DGKB: variants seen among roughly 807,000 people sequenced by gnomAD.
The protein encoded by DGKB is 90 kDa diacylglycerol kinase.
In DGKB, 67 loss-of-function variants were observed where a neutral mutation model predicts 114.3. That is an observed-to-expected ratio of 0.59 (90% confidence interval 0.48 to 0.72). DGKB has a LOEUF of 0.72. DGKB is among the 30% of genes least tolerant of loss of function. The probability of loss-of-function intolerance (pLI) is 0.00; values close to 1 mark genes in which losing one functional copy is unlikely to be tolerated. For missense variants in DGKB, 907 were observed against 975.2 expected, an observed-to-expected ratio of 0.93 and a Z score of 0.93; for synonymous variants, 398 against 323.1, an observed-to-expected ratio of 1.23 and a Z score of -2.49.
intron 20 of DGKB, among the ~76,000 whole-genome samples, chr7:14,545,616 G>T (rs1230709660): frequency 6.6e-6 from 1 of 152,218 alleles, no homozygotes; most frequent in Admixed American, 6.5e-5. Flanking sequence ...GGCTTAATCA[G>T]CTTCCGCCAC....
chr7:14,556,306 AAGTT>A (rs1795862227), intron 20 of DGKB, among the ~76,000 whole-genome samples: 1 of 152,110 alleles, frequency 6.6e-6, no homozygotes, highest in Non-Finnish European at 1.5e-5. Context: ...TTAAAAAGGA[AAGTT>A]AGAGGTTTAA....
intron 23 of DGKB, among the ~76,000 whole-genome samples, chr7:14,328,037 A>G (rs1809058468): frequency 6.6e-6 from 1 of 152,126 alleles, no homozygotes; most frequent in Non-Finnish European, 1.5e-5. Context: ...AAGACGTTTT[A>G]TCACAAATTC....
At chr7:14,641,954 G>A (rs939740334) in intron 13 of DGKB, among the ~76,000 whole-genome samples, 1 of 151,974 alleles carries the variant, frequency 6.6e-6, no homozygotes, top group Non-Finnish European at 1.5e-5. Context: ...TTTTCATTCA[G>A]TTTAATTTTC....
chr7:14,261,996 T>TTA (rs1223114834), intron 23 of DGKB, among the ~76,000 whole-genome samples: 1 of 152,232 alleles, frequency 6.6e-6, no homozygotes, highest in East Asian at 1.9e-4. Flanking sequence ...CTATACGCAC[T>TTA]GCAGAAGACT....
intron 20 of DGKB, among the ~76,000 whole-genome samples, chr7:14,552,289 G>A (rs1795212367): frequency 6.6e-6 from 1 of 152,078 alleles, no homozygotes; most frequent in African/African-American, 2.4e-5. Flanking sequence ...CGCATTTGTG[G>A]AATAAACTAA....
chr7:14,522,704 C>T (rs1789983116), intron 20 of DGKB, among the ~76,000 whole-genome samples: 1 of 152,088 alleles, frequency 6.6e-6, no homozygotes, highest in South Asian at 2.1e-4. Flanking sequence ...TGGTTTTATG[C>T]CTTTGGTTGA....
At chr7:14,833,230 T>C (rs1846664636) in intron 2 of DGKB, among the ~76,000 whole-genome samples, 1 of 152,144 alleles carries the variant, frequency 6.6e-6, no homozygotes, top group African/African-American at 2.4e-5. Context: ...AATAGGTTTT[T>C]AGTCTCCTTT....
At chr7:14,484,451 C>G (rs942041948) in intron 20 of DGKB, among the ~76,000 whole-genome samples, 3 of 152,076 alleles carry the variant, frequency 2.0e-5, no homozygotes, top group Admixed American at 6.6e-5. Context: ...CTTGGTGTTG[C>G]CACAATGGGT....
chr7:14,768,668 T>C (rs1261679800), intron 2 of DGKB, among the ~76,000 whole-genome samples: 2 of 152,050 alleles, frequency 1.3e-5, no homozygotes, highest in Non-Finnish European at 2.9e-5. Flanking sequence ...TAAAAGTTTA[T>C]GTTGACTGTA....
intron 21 of DGKB, among the ~76,000 whole-genome samples, chr7:14,365,619 C>G (rs570459692): frequency 9.5e-4 from 145 of 152,040 alleles, no homozygotes; most frequent in African/African-American, 3.4e-3. Context: ...AAGCAAAGAC[C>G]TGGTAAAGAA....
chr7:14,334,571 C>T (rs1459720272), intron 23 of DGKB, among the ~76,000 whole-genome samples: 1 of 150,810 alleles, frequency 6.6e-6, no homozygotes, highest in Non-Finnish European at 1.5e-5. Flanking sequence ...TTATTGTCCG[C>T]AAATCTGGCA....
chr7:14,489,709 G>C (rs1374318127), intron 20 of DGKB, among the ~76,000 whole-genome samples: 2 of 152,168 alleles, frequency 1.3e-5, no homozygotes, highest in Non-Finnish European at 2.9e-5. Context: ...AGCGGTATGA[G>C]TGGTCACCAG....
intron 25 of DGKB, among the ~76,000 whole-genome samples, chr7:14,149,680 C>A (rs74663755): frequency 0.019 from 2,823 of 152,198 alleles, 35 homozygotes; most frequent in Non-Finnish European, 0.028. Context: ...TCAAGGCAAG[C>A]CTTATTTATC....
intron 20 of DGKB, among the ~76,000 whole-genome samples, chr7:14,493,579 G>C (rs1186899250): frequency 6.6e-6 from 1 of 151,962 alleles, no homozygotes; most frequent in Non-Finnish European, 1.5e-5. Context: ...TGTGAATGTA[G>C]CATTAGGCTA....
chr7:14,695,494 C>CTCTTTTTTTTTTTTTTT (rs1823671843), intron 8 of DGKB, among the ~76,000 whole-genome samples: 3 of 75,156 alleles, frequency 4.0e-5, no homozygotes, highest in Admixed American at 2.0e-4. Flanking sequence ...CTCTCTCTCT[C>CTCTTTTTTTTTTTTTTT]TTTTTTTTTT....
At chr7:14,670,283 C>CTATA (rs35058432) in intron 13 of DGKB, among the ~76,000 whole-genome samples, 3,581 of 146,614 alleles carry the variant, frequency 0.024, 110 homozygotes, top group African/African-American at 0.07. Context: ...GTATGTTATA[C>CTATA]TATATATATA....
intron 23 of DGKB, among the ~76,000 whole-genome samples, chr7:14,275,248 G>T (rs149986379): frequency 6.6e-6 from 1 of 152,094 alleles, no homozygotes; most frequent in Non-Finnish European, 1.5e-5. Context: ...TCTTAAGGCA[G>T]TTACCATATT....
At chr7:14,635,610 G>C (rs1376834047) in intron 13 of DGKB, among the ~76,000 whole-genome samples, 1 of 151,422 alleles carries the variant, frequency 6.6e-6, no homozygotes, top group African/African-American at 2.4e-5. Flanking sequence ...ACATCCTATT[G>C]ACTATTTTTT....
intron 21 of DGKB, among the ~76,000 whole-genome samples, chr7:14,407,572 C>G (rs1417235037): frequency 6.6e-6 from 1 of 151,998 alleles, no homozygotes; most frequent in South Asian, 2.1e-4. Context: ...ACCACACAAG[C>G]AAATTAAAAC....
Sources: allele counts gnomAD v4.1 joint callset (sites outside exome capture counted in the v4.1 genomes callset), GRCh38; gene constraint gnomAD v4.1.1; transcripts MANE v1.5; gene names NCBI Gene and HGNC (gene_info 2026-07-23, HGNC 2026-07-21).